Variants in DMXL1 observed in about 807,000 individuals in gnomAD.
DMXL1 encodes dmX-like protein 1.
A neutral mutation model predicts 319.2 loss-of-function variants in DMXL1; 99 were observed. That is an observed-to-expected ratio of 0.31 (90% confidence interval 0.26 to 0.37). The LOEUF (loss-of-function observed/expected upper bound fraction) is 0.37. DMXL1 is among the 10% of genes least tolerant of loss of function. The pLI is 1.00. For missense variants in DMXL1, 3,745 were observed against 3,595.6 expected (o/e 1.04, Z -1.06); for synonymous variants, 1,385 against 1,235.2 (o/e 1.12, Z -2.54).
rs746277998 is a variant in DMXL1 at position 119,166,598 on chromosome 5, A to AT, written c.4971-10dup. On this transcript the variant is annotated splice_polypyrimidine_tract_variant and intron_variant, in intron 21 of 43. Coordinates refer to ENST00000539542, the MANE Select transcript of DMXL1 (RefSeq NM_001290321.3). Reference sequence around the variant, plus strand: ...AATTGTATTCCAAAATTTTCACACCATTTTTTTTCCTTTATAGAGCTGAAA... The same window carrying AT: ...AATTGTATTCCAAAATTTTCACACCATTTTTTTTTCCTTTATAGAGCTGAAA... The AT allele has an allele frequency of 3.6e-5, 57 of 1,575,350 alleles. No individual in the cohort carries two copies. Among genetic ancestry groups the AT allele is most frequent in the East Asian group, 1.1e-4 (5 of 43,926 alleles).
At chr5:119,148,654 T>C (rs1769107168) in intron 17 of DMXL1, 85 bp from the exon 18 acceptor site, 1 of 1,359,296 alleles carries the variant, frequency 7.4e-7, no homozygotes, top group Non-Finnish European at 1.0e-6. Context: ...TAGTAGTTAA[T>C]ACAAAAGACT....
chr5:119,177,387 G>A lies in DMXL1; in HGVS notation c.6789G>A (p.Met2263Ile). The change falls in exon 27 of 44, where the codon ATG becomes ATA. Residue 2263 changes from methionine (M) to isoleucine (I), a missense_variant. By Grantham distance (10) the Met-to-Ile change is conservative (BLOSUM62 1). Transcript: ENST00000539542. ...SSFQTNQFTG[M>I]VYQTVLLPHR... The stretch of plus-strand genomic sequence containing the variant: ...TTCAGACGAATCAGTTTACTGGAAT[G>A]GTATATCAGACAGTACTGCTTCCTC... The A allele has an allele frequency of 6.3e-7, 1 of 1,577,412 alleles. No individual in the cohort carries two copies. The highest frequency in any genetic ancestry group is 8.6e-7 in the Non-Finnish European group (1 of 1,162,212).
In DMXL1 at chr5:119,170,195, G is replaced by C. The variant is rs1269701850; in HGVS notation, c.5404G>C (p.Val1802Leu). 12 of 1,591,834 alleles carry C rather than the reference G, an allele frequency of 7.5e-6. No individual in the cohort carries two copies. The Middle Eastern group carries it at 8.7e-4, about 116-fold the overall frequency. ...KQPIRENDDQ[V>L]LSASNPTVFN... is the part of the protein sequence containing the mutation. ...TAAAATGAATTTACTTTCAGATCAAGTTTTATCAGCCAGTAATCCTACAGT... is the reference window on the plus strand; with the variant it reads ...TAAAATGAATTTACTTTCAGATCAACTTTTATCAGCCAGTAATCCTACAGT... Residue 1802 changes from valine (V) to leucine (L), a missense_variant, in exon 24 of 44, where the codon GTT (valine) becomes CTT (leucine). Val to Leu is a conservative substitution (Grantham distance 32, BLOSUM62 1). Transcript: ENST00000539542.
chr5:119,182,255 T>A (rs1478360600), intron 28 of DMXL1, among the ~76,000 whole-genome samples: 3 of 152,374 alleles, frequency 2.0e-5, no homozygotes, highest in Non-Finnish European at 2.9e-5. Flanking sequence ...AAATTTTTTA[T>A]CTTTTAAATT....
intron 9 of DMXL1, among the ~76,000 whole-genome samples, chr5:119,121,433 C>G (rs1010363165): frequency 2.0e-5 from 3 of 151,990 alleles, no homozygotes; most frequent in African/African-American, 7.3e-5. Flanking sequence ...CTGCGGCCTT[C>G]CGCTGTGTTT....
chr5:119,112,539 G>A (rs191690242), intron 5 of DMXL1, among the ~76,000 whole-genome samples: 362 of 152,264 alleles, frequency 2.4e-3, no homozygotes, highest in Non-Finnish European at 4.0e-3. Context: ...TAAGGCAGAC[G>A]TCCCATATGT....
chr5:119,125,225 CTT>C (rs1037556407), intron 9 of DMXL1, among the ~76,000 whole-genome samples: 11 of 152,106 alleles, frequency 7.2e-5, no homozygotes, highest in Admixed American at 2.6e-4. Context: ...AGAATGGTGA[CTT>C]TTTTCTCTTC....
intron 38 of DMXL1, among the ~76,000 whole-genome samples, chr5:119,229,188 T>C (rs1786188046): frequency 6.7e-6 from 1 of 148,620 alleles, no homozygotes; most frequent in Non-Finnish European, 1.5e-5. Context: ...AAAAACAAAA[T>C]CTCGATTTTG....
chr5:119,166,927 A>G (rs1029756118), intron 22 of DMXL1, 146 bp downstream of exon 22: 21 of 648,666 alleles, frequency 3.2e-5, no homozygotes, highest in Non-Finnish European at 5.2e-5. Flanking sequence ...TTTAATAAAG[A>G]CATTTAAAAT....
Position 119,238,988 on chromosome 5 carries a change from G to T in DMXL1, c.8560-1G>T. On this transcript the variant is annotated splice_acceptor_variant, in intron 40 of 43. Transcript: ENST00000539542. LOFTEE classifies it high-confidence loss of function. ...ACACGTATTGTTTGTAACCATTCCAGACTTGGCAGTGTCATAACAAAACAG... is the reference window on the plus strand; with the variant it reads ...ACACGTATTGTTTGTAACCATTCCATACTTGGCAGTGTCATAACAAAACAG... The T allele has an allele frequency of 6.2e-7, 1 of 1,613,592 alleles. No individual in the cohort carries two copies. Among genetic ancestry groups the T allele is most frequent in the Non-Finnish European group, 8.5e-7 (1 of 1,179,836 alleles).
intron 19 of DMXL1, among the ~76,000 whole-genome samples, chr5:119,153,326 A>G (rs1416773835): frequency 6.6e-6 from 1 of 152,206 alleles, no homozygotes; most frequent in Admixed American, 6.6e-5. Context: ...TTAAAATTGT[A>G]TGTATTTATA....
At chr5:119,123,396 A>G (rs1385570819) in intron 9 of DMXL1, among the ~76,000 whole-genome samples, 177 of 7,534 alleles carry the variant, frequency 0.023, 2 homozygotes, top group Middle Eastern at 0.05. Context: ...GAGGGAGAGG[A>G]GGGGGAGGGA....
intron 32 of DMXL1, among the ~76,000 whole-genome samples, chr5:119,202,891 A>ATATATATATATATATTTATATATT (rs1781051166): frequency 7.7e-4 from 107 of 139,804 alleles, no homozygotes; most frequent in African/African-American, 2.9e-3. Context: ...ATTTTTATAT[A>ATATATATATATATATTTATATATT]TATATATATA....
chr5:119,150,034 G>T lies in DMXL1; in HGVS notation c.4207G>T (p.Val1403Phe). The T allele has an allele frequency of 6.2e-7, 1 of 1,613,940 alleles. No homozygotes were observed. The highest frequency in any genetic ancestry group is 8.5e-7 in the Non-Finnish European group (1 of 1,179,904). The change falls in exon 18 of 44, where the codon GTT becomes TTT. Residue 1403 changes from valine (V) to phenylalanine (F), a missense_variant. Val to Phe is a conservative substitution (Grantham distance 50). Transcript: ENST00000539542. ...ENTDYTEIDS[V>F]PPLPLYALLA... ...TACAGATTACACAGAAATAGATTCT[G>T]TTCCTCCACTTCCTTTATATGCCTT... is the stretch of plus-strand genomic sequence containing the variant.
rs1756341877 is a variant in DMXL1, at chr5:119,097,837, T to A, written c.88-142T>A. On this transcript the variant is annotated intron_variant, in intron 1 of 43. Transcript: ENST00000539542. ...TAAGGGAAATAGTGCCAAATGTAGA[T>A]TTTTTTTTTAAGAAAACACCTAAAA... The A allele has an allele frequency of 1.4e-5, 8 of 579,448 alleles. No homozygotes were observed. In the East Asian group the frequency reaches 3.3e-4, roughly 24 times the overall value. 35.9% of individuals were successfully genotyped at this position (579,448 alleles called of 1,614,324 possible). A position where few individuals can be genotyped will look rare whatever the true frequency, so the allele number is the denominator to read the frequency against.
Position 119,148,876 on chromosome 5 carries a change from A to G in DMXL1, c.3049A>G (p.Ile1017Val), listed in dbSNP as rs541463868. 32 of 1,613,886 alleles carry G rather than the reference A, an allele frequency of 2.0e-5. No homozygotes were observed. In the South Asian group the frequency reaches 3.3e-4, roughly 17 times the overall value. ...GESATSKNGK[I>V]DLAYIWEEWP... ...ATCTGCCACGTCAAAGAATGGAAAA[A>G]TTGATCTTGCATACATTTGGGAAGA... Residue 1017 changes from isoleucine (I) to valine (V), a missense_variant, in exon 18 of 44, where the codon ATT becomes GTT. Ile to Val is a conservative substitution (Grantham distance 29). Transcript: ENST00000539542.
chr5:119,115,575 A>T (rs1760662418), intron 6 of DMXL1, among the ~76,000 whole-genome samples: 2 of 152,132 alleles, frequency 1.3e-5, no homozygotes, highest in South Asian at 4.1e-4. Flanking sequence ...ATTCTGATTG[A>T]CTTTACAGGT....
intron 1 of DMXL1, among the ~76,000 whole-genome samples, chr5:119,093,380 C>T (rs1755229777): frequency 6.6e-6 from 1 of 152,084 alleles, no homozygotes; most frequent in Non-Finnish European, 1.5e-5. Flanking sequence ...AAGTGATCTG[C>T]CTGCCTTGGC....
intron 1 of DMXL1, among the ~76,000 whole-genome samples, chr5:119,071,896 T>C (rs148978238): frequency 1.3e-5 from 2 of 152,204 alleles, no homozygotes; most frequent in Non-Finnish European, 2.9e-5. Context: ...TTTAAAGTTT[T>C]TGGTCTGTCT....
Sources: gnomAD v4.1 joint callset for allele counts (sites outside exome capture counted in the v4.1 genomes callset) on GRCh38, gnomAD v4.1.1 for gene constraint, MANE v1.5 for transcripts, NCBI Gene and HGNC (gene_info 2026-07-23, HGNC 2026-07-21) for gene names.